Variants in ANK1 observed in about 807,000 individuals in gnomAD.
The protein encoded by ANK1 is ankyrin-1.
Under a neutral mutation model 210.4 loss-of-function variants are expected in ANK1, and 51 were observed. That is an observed-to-expected ratio of 0.24 (90% CI 0.19 to 0.31). The LOEUF (loss-of-function observed/expected upper bound fraction) is 0.31, where lower values mean the gene tolerates loss of function less well. Among genes scored for constraint, ANK1 ranks in the 10% least tolerant of loss-of-function variants. The pLI, the probability that ANK1 is intolerant of heterozygous loss-of-function variation, is 1.00. For missense variants in ANK1, 2,051 were observed against 2,504.4 expected, an observed-to-expected ratio of 0.82 and a Z score of 3.86; for synonymous variants, 967 against 1,025.9, an observed-to-expected ratio of 0.94 and a Z score of 1.10.
At chr8:41,794,833 T>C (rs1254308749) in intron 1 of ANK1, among the ~76,000 whole-genome samples, 3 of 152,200 alleles carry the variant, frequency 2.0e-5, no homozygotes, top group Admixed American at 2.0e-4. Context: ...GCCTCCTAAG[T>C]AGCTGGGACT....
chr8:41,846,875 G>A (rs965550275), intron 1 of ANK1, among the ~76,000 whole-genome samples: 3 of 152,100 alleles, frequency 2.0e-5, no homozygotes, highest in African/African-American at 7.2e-5. Context: ...CACCCTACCT[G>A]GTCTGTTCCA....
At position 41,838,436 on chromosome 8, in the gene ANK1, C is replaced by T. The variant is rs983073704; in HGVS notation, c.126+57919G>A. Among the ~76,000 whole-genome samples the T allele has an allele frequency of 4.3e-4, 65 of 152,294 alleles. 1 individual carries two copies. The highest frequency in any genetic ancestry group is 4.6e-4 in the Non-Finnish European group (31 of 68,012). ...AATAGTAAGCACTTACCGTGTGCCC[C>T]AGACTGCTGTATTATGTTTTAAAGT... On this transcript the variant is annotated intron_variant, in intron 1 of 42. Coordinates refer to the ANK1 transcript ENST00000265709.
chr8:41,742,424 C>T (rs1259629666), intron 2 of ANK1, among the ~76,000 whole-genome samples: 4 of 152,188 alleles, frequency 2.6e-5, no homozygotes, highest in South Asian at 2.1e-4. Flanking sequence ...CTCCTTTCCA[C>T]GCAGCTGTTT....
intron 1 of ANK1, among the ~76,000 whole-genome samples, chr8:41,850,848 G>A (rs560471401): frequency 2.0e-5 from 3 of 152,214 alleles, no homozygotes; most frequent in South Asian, 4.1e-4. Context: ...CTGAAGCCTC[G>A]GCTAGTAAGT....
At position 41,694,640 on chromosome 8, in the gene ANK1, T is replaced by C. The variant is rs1455085239; in HGVS notation, c.3279A>G (p.Ala1093=). 6.2e-7 allele frequency: 1 copy of C among 1,613,930 alleles called. No individual in the cohort carries two copies. Among genetic ancestry groups the C allele is most frequent in the East Asian group, 2.2e-5 (1 of 44,898 alleles). The part of the protein sequence containing the change: ...LKSKLVPLVQ[A]TFPENAVTKR... ...TGGTGACGGCATTCTCCGGGAACGT[T>C]GCCTGTACCAGGGGCACCAGCTTGC... Residue 1093 remains alanine, a synonymous_variant, in exon 28 of 43, where the codon GCA becomes GCG. Coordinates refer to ENST00000289734, the MANE Select transcript of ANK1 (RefSeq NM_000037.4). The surrounding 1 kb of genome is among the most constrained non-coding windows in gnomAD (Gnocchi z 5.7).
intron 35 of ANK1, 103 bp from the exon 36 acceptor site, chr8:41,686,386 G>A: frequency 2.0e-6 from 3 of 1,492,976 alleles, no homozygotes; most frequent in Non-Finnish European, 2.8e-6. Context: ...GGGGGACCCA[G>A]TGGGGAGCAC....
intron 36 of ANK1, 96 bp downstream of exon 36, chr8:41,686,056 C>T: frequency 6.3e-7 from 1 of 1,583,736 alleles, no homozygotes; most frequent in Middle Eastern, 1.7e-4. Context: ...GACAGACTGA[C>T]TCCAGAGGCC....
At chr8:41,723,432 G>T in intron 8 of ANK1, 103 bp downstream of exon 8, 1 of 1,366,850 alleles carries the variant, frequency 7.3e-7, no homozygotes, top group Non-Finnish European at 1.0e-6. Context: ...GGAGGCTGGT[G>T]GTGCATCCCT....
intron 1 of ANK1, among the ~76,000 whole-genome samples, chr8:41,826,843 G>C (rs763109416): frequency 2.6e-5 from 4 of 151,012 alleles, no homozygotes; most frequent in African/African-American, 7.3e-5. Context: ...TCTTATCCTT[G>C]GATCTCCATG....
At position 41,696,109 on chromosome 8, in the gene ANK1, C is replaced by T. The variant is rs1016431352; in HGVS notation, c.2960+254G>A. On this transcript the variant is annotated intron_variant, in intron 26 of 42. Coordinates refer to ENST00000289734, the MANE Select transcript of ANK1 (RefSeq NM_000037.4). ...CTTGCTATGTTTTCCAGGCTGGTCT[C>T]GAACTCCTGGCCTCAAGCGATGCTC... Among the ~76,000 whole-genome samples the T allele has an allele frequency of 5.9e-5, 9 of 152,286 alleles. No individual in the cohort carries two copies. The South Asian group carries it at 1.5e-3, about 25-fold the overall frequency.
intron 37 of ANK1, among the ~76,000 whole-genome samples, chr8:41,674,826 G>T (rs1813645840): frequency 6.6e-6 from 1 of 152,172 alleles, no homozygotes; most frequent in Non-Finnish European, 1.5e-5. Context: ...ACCCCTTTTA[G>T]CTCTGGCCAA....
chr8:41,740,796 CA>C (rs1834595653), intron 2 of ANK1, among the ~76,000 whole-genome samples: 1 of 152,214 alleles, frequency 6.6e-6, no homozygotes, highest in African/African-American at 2.4e-5. Flanking sequence ...TTTGCTCAAC[CA>C]TGTCCCCTGG....
At chr8:41,719,501 GC>G (rs1040281969) in intron 10 of ANK1, among the ~76,000 whole-genome samples, 159 bp downstream of exon 10, 1 of 152,116 alleles carries the variant, frequency 6.6e-6, no homozygotes, top group African/African-American at 2.4e-5. Context: ...TGCACACCAG[GC>G]CCCCACCATC....
upstream of ANK1, among the ~76,000 whole-genome samples, chr8:41,798,805 G>A (rs1044670434): frequency 1.3e-5 from 2 of 152,128 alleles, no homozygotes; most frequent in Non-Finnish European, 1.5e-5. Flanking sequence ...CCTGAGAAGG[G>A]TCTCTCCAGC....
intron 1 of ANK1, among the ~76,000 whole-genome samples, chr8:41,813,534 A>G (rs1802811889): frequency 6.6e-6 from 1 of 152,222 alleles, no homozygotes. Context: ...TAATTACAGT[A>G]AGACTAATAT....
rs564385444 is a variant in ANK1, at chr8:41,775,136, C to A, written c.28-16999G>T. 7.9e-5 allele frequency among the ~76,000 whole-genome samples: 12 copies of A among 152,212 alleles called. No homozygotes were observed. The South Asian group carries it at 2.5e-3, about 32-fold the overall frequency. The stretch of plus-strand genomic sequence containing the variant: ...ATGGCTCCAGAGTTTCTGAAGGATG[C>A]CCAGGCGTTGGACAGCCCTGCATGG... On this transcript the variant is annotated intron_variant, in intron 1 of 42. Transcript: ENST00000289734.
At chr8:41,721,227 C>T (rs1056649315) in intron 9 of ANK1, among the ~76,000 whole-genome samples, 1 of 152,120 alleles carries the variant, frequency 6.6e-6, no homozygotes, top group African/African-American at 2.4e-5. Context: ...GGCACCTGCA[C>T]AGCAGGAAAA....
chr8:41,668,378 C>A lies in ANK1; in HGVS notation c.5283G>T (p.Thr1761=). ...TCTCAGCCTCGGGCTGTTCTGTCCACGTGTGCTCACTTACAGACACCAGGA... is the reference window on the plus strand; with the variant it reads ...TCTCAGCCTCGGGCTGTTCTGTCCAAGTGTGCTCACTTACAGACACCAGGA... The part of the protein sequence containing the change: ...EKVLVSVSEH[T]WTEQPEAESS... The change falls in exon 39 of 43, where the codon ACG becomes ACT. Residue 1761 remains threonine, a synonymous_variant. Transcript: ENST00000289734. 1.2e-6 allele frequency: 2 copies of A among 1,614,246 alleles called. No homozygotes were observed. Among genetic ancestry groups the A allele is most frequent in the African/African-American group, 2.7e-5 (2 of 75,064 alleles).
At position 41,723,624 on chromosome 8, in the gene ANK1, T is replaced by C. The variant is rs1829878470; in HGVS notation, c.721A>G (p.Thr241Ala). Residue 241 changes from threonine to alanine, a missense_variant, in exon 8 of 43, where the codon ACG becomes GCG. By Grantham distance (58) the Thr-to-Ala change is moderately conservative. This residue lies in a region of ANK1 where 1,413 missense variants were observed against 1,707.4 expected (regional missense o/e 0.83). Transcript: ENST00000289734. ...SVNFTPQNGI[T>A]PLHIASRRGN... ...CTGCGGGAGGCGATGTGCAGTGGCG[T>C]GATGCCGTTCTGAAGGGAGGAAGCA... 3 of 1,613,044 alleles carry C rather than the reference T, an allele frequency of 1.9e-6. No homozygotes were observed. Among genetic ancestry groups the C allele is most frequent in the South Asian group, 2.2e-5 (2 of 91,078 alleles).
Sources: allele counts gnomAD v4.1 joint callset (sites outside exome capture counted in the v4.1 genomes callset), GRCh38; gene constraint gnomAD v4.1.1; regional missense constraint gnomAD v4.1.1; non-coding constraint Gnocchi (gnomAD v3.1); transcripts MANE v1.5; gene names NCBI Gene and HGNC (gene_info 2026-07-23, HGNC 2026-07-21).